LHCGR: variants seen among roughly 807,000 people sequenced by gnomAD.
The protein encoded by LHCGR is lutropin-choriogonadotropic hormone receptor.
In LHCGR, 55 loss-of-function variants were observed where a neutral mutation model predicts 60.7. The ratio of observed to expected loss-of-function variants is 0.91; its 90% confidence interval spans 0.73 to 1.13. The LOEUF (loss-of-function observed/expected upper bound fraction) is 1.13. LHCGR is among the 50% of genes most tolerant of loss of function. The pLI, the probability that LHCGR is intolerant of heterozygous loss-of-function variation, is 0.00. For synonymous variants in LHCGR, 337 were observed against 316.5 expected, an observed-to-expected ratio of 1.06 and a Z score of -0.69; for missense variants, 862 against 836.0, an observed-to-expected ratio of 1.03 and a Z score of -0.38.
intron 8 of LHCGR, among the ~76,000 whole-genome samples, chr2:48,702,425 G>A (rs62135381): frequency 6.6e-6 from 1 of 151,272 alleles, no homozygotes; most frequent in Non-Finnish European, 1.5e-5. Context: ...CTGCCCACCC[G>A]CCGACAGGCC....
rs187679344 is a variant in LHCGR at position 48,691,656 on chromosome 2, G to A, written c.947+2568C>T. 2.6e-5 allele frequency among the ~76,000 whole-genome samples: 4 copies of A among 152,216 alleles called. No homozygotes were observed. The East Asian group carries it at 7.7e-4, about 29-fold the overall frequency. ...AGGTCAGGAGTTTGAGACCAGCCTG[G>A]CCAATATGGCAAAACCCTGTCTCTA... On this transcript the variant is annotated intron_variant, in intron 10 of 10. Transcript: ENST00000294954.
Position 48,712,246 on chromosome 2 carries a change from G to T in LHCGR, c.605+1740C>A, listed in dbSNP as rs778528907. Among the ~76,000 whole-genome samples the T allele has an allele frequency of 6.0e-4, 91 of 152,146 alleles. 3 individuals carry two copies. The highest frequency in any genetic ancestry group is 3.4e-3 in the Middle Eastern group (1 of 294). ...TTCTGTTTTAGTTAGTAGTCAATGTGCAGTTTATACACTATTTGGAGATGC... is the reference window on the plus strand; with the variant it reads ...TTCTGTTTTAGTTAGTAGTCAATGTTCAGTTTATACACTATTTGGAGATGC... On this transcript the variant is annotated intron_variant, in intron 7 of 10. Coordinates refer to ENST00000294954, the MANE Select transcript of LHCGR (RefSeq NM_000233.4).
At chr2:48,752,994 G>C (rs1270432518) in intron 1 of LHCGR, among the ~76,000 whole-genome samples, 6 of 102,818 alleles carry the variant, frequency 5.8e-5, no homozygotes, top group East Asian at 3.3e-4. Context: ...GGGGGGGGGG[G>C]GGTGGGGAAG....
intron 8 of LHCGR, among the ~76,000 whole-genome samples, chr2:48,706,749 A>G (rs1232411559): frequency 2.0e-5 from 3 of 152,054 alleles, no homozygotes; most frequent in African/African-American, 7.3e-5. Context: ...CACGTCATTT[A>G]TGTTCTTTTC....
rs1298498543 is a variant in LHCGR, at chr2:48,731,547, C to T, written c.162-249G>A. Among the ~76,000 whole-genome samples the T allele has an allele frequency of 5.3e-5, 8 of 152,124 alleles. No homozygotes were observed. The South Asian group carries it at 1.2e-3, about 24-fold the overall frequency. ...AACGTTGAGATTAGGCATACCTGGACGCAAATCTTCGCTGTCCCACTACTT... is the reference window on the plus strand; with the variant it reads ...AACGTTGAGATTAGGCATACCTGGATGCAAATCTTCGCTGTCCCACTACTT... On this transcript the variant is annotated intron_variant, in intron 1 of 10. Coordinates refer to ENST00000294954, the MANE Select transcript of LHCGR (RefSeq NM_000233.4).
At chr2:48,740,770 A>T (rs947440253) in intron 1 of LHCGR, among the ~76,000 whole-genome samples, 21 of 152,268 alleles carry the variant, frequency 1.4e-4, no homozygotes, top group Non-Finnish European at 2.4e-4. Flanking sequence ...CTGGAAACTC[A>T]AAAAAGCAGA....
chr2:48,720,291 C>T (rs1289092133), intron 6 of LHCGR: 2 of 152,042 alleles, frequency 1.3e-5, no homozygotes, highest in Non-Finnish European at 2.9e-5. Flanking sequence ...ATGGATTATC[C>T]CAACATTGGT....
chr2:48,735,146 C>G (rs574311520), intron 1 of LHCGR, among the ~76,000 whole-genome samples: 2 of 152,210 alleles, frequency 1.3e-5, no homozygotes, highest in African/African-American at 4.8e-5. Context: ...TTAGCTTCAT[C>G]AGCTTGGAAC....
At chr2:48,702,353 T>G (rs909730649) in intron 8 of LHCGR, among the ~76,000 whole-genome samples, 5 of 152,224 alleles carry the variant, frequency 3.3e-5, no homozygotes, top group African/African-American at 1.2e-4. Flanking sequence ...CACGTTGGTT[T>G]GCTGCACCCA....
intron 1 of LHCGR, among the ~76,000 whole-genome samples, chr2:48,731,557 C>T (rs1164969882): frequency 3.9e-5 from 6 of 152,146 alleles, no homozygotes; most frequent in South Asian, 2.1e-4. Context: ...CGCAAATCTT[C>T]GCTGTCCCAC....
At chr2:48,723,302 T>C (rs748720549) in intron 6 of LHCGR, among the ~76,000 whole-genome samples, 154 bp downstream of exon 6, 2 of 152,190 alleles carry the variant, frequency 1.3e-5, no homozygotes, top group Non-Finnish European at 2.9e-5. Context: ...GCTGTGATCT[T>C]ACACAACTCC....
chr2:48,746,375 G>T (rs1234577114), intron 1 of LHCGR, among the ~76,000 whole-genome samples: 1 of 152,130 alleles, frequency 6.6e-6, no homozygotes, highest in East Asian at 1.9e-4. Context: ...TTTCTTTTGG[G>T]CTCAGATATC....
chr2:48,754,037 A>G (rs948339537), intron 1 of LHCGR, among the ~76,000 whole-genome samples: 1 of 152,174 alleles, frequency 6.6e-6, no homozygotes, highest in Non-Finnish European at 1.5e-5. Flanking sequence ...TAAGAGCAAC[A>G]TGGCATGCTT....
At chr2:48,692,188 A>T (rs2104372365) in intron 10 of LHCGR, among the ~76,000 whole-genome samples, 1 of 152,376 alleles carries the variant, frequency 6.6e-6, no homozygotes, top group Non-Finnish European at 1.5e-5. Flanking sequence ...TGGATGATTC[A>T]TACAAAATAA....
At chr2:48,705,301 T>G (rs1049203761) in intron 8 of LHCGR, among the ~76,000 whole-genome samples, 5 of 152,232 alleles carry the variant, frequency 3.3e-5, no homozygotes, top group Non-Finnish European at 1.5e-5. Flanking sequence ...AGGAGTGTTT[T>G]ATTTCCAATT....
chr2:48,754,216 A>C (rs1670104785), intron 1 of LHCGR, among the ~76,000 whole-genome samples: 1 of 152,198 alleles, frequency 6.6e-6, no homozygotes. Context: ...GTATCTCTCA[A>C]CCACAATTAT....
rs1680011321 is a variant in LHCGR at position 48,688,317 on chromosome 2, A to G, written c.1480T>C (p.Ser494Pro). The G allele has an allele frequency of 6.2e-7, 1 of 1,614,096 alleles. No homozygotes were observed. Among genetic ancestry groups the G allele is most frequent in the African/African-American group, 1.3e-5 (1 of 74,938 alleles). ...ILIMLGGWLFSSLIAMLPLVG... is the reference protein window; with the variant it reads ...ILIMLGGWLFPSLIAMLPLVG... The stretch of plus-strand genomic sequence containing the variant: ...AGGGGCAACATAGCAATTAGAGAAG[A>G]AAAGAGCCATCCTCCAAGCATAATC... Residue 494 changes from serine to proline, a missense_variant, in exon 11 of 11, where the codon TCT becomes CCT. Coordinates refer to ENST00000294954, the MANE Select transcript of LHCGR (RefSeq NM_000233.4). The surrounding 1 kb of genome is among the most constrained non-coding windows in gnomAD (Gnocchi z 5.2).
intron 1 of LHCGR, among the ~76,000 whole-genome samples, chr2:48,751,479 C>A (rs1294239705): frequency 6.6e-6 from 1 of 152,164 alleles, no homozygotes. Context: ...TGAAGCCTTC[C>A]CTTGGAGACT....
At chr2:48,726,988 C>G (rs1039070545) in intron 3 of LHCGR, among the ~76,000 whole-genome samples, 4 of 152,214 alleles carry the variant, frequency 2.6e-5, no homozygotes, top group African/African-American at 9.6e-5. Flanking sequence ...TTACCCACCA[C>G]TTGTGCCTGT....
Sources: allele counts gnomAD v4.1 joint callset (sites outside exome capture counted in the v4.1 genomes callset), GRCh38; gene constraint gnomAD v4.1.1; non-coding constraint Gnocchi (gnomAD v3.1); transcripts MANE v1.5; gene names NCBI Gene and HGNC (gene_info 2026-07-23, HGNC 2026-07-21).